The following LHFPL6 variants were observed in gnomAD, a reference collection of about 807,000 sequenced individuals.
LHFPL6 encodes the protein LHFPL tetraspan subfamily member 6.
LHFPL6 carries 9 observed loss-of-function variants against 20.6 expected under a neutral mutation model. The ratio of observed to expected loss-of-function variants is 0.44; its 90% CI spans 0.26 to 0.76. LHFPL6 has a LOEUF of 0.76. Among genes scored for constraint, LHFPL6 ranks in the 30% least tolerant of loss-of-function variants. The pLI, the probability that LHFPL6 is intolerant of heterozygous loss-of-function variation, is 0.20. For missense variants in LHFPL6, 218 were observed against 253.5 expected, an observed-to-expected ratio of 0.86 and a Z score of 0.95; for synonymous variants, 105 against 98.7, an observed-to-expected ratio of 1.06 and a Z score of -0.38.
chr13:39,423,645 A>G (rs2138398172), intron 2 of LHFPL6, among the ~76,000 whole-genome samples: 1 of 152,304 alleles, frequency 6.6e-6, no homozygotes, highest in Middle Eastern at 3.4e-3. Context: ...CATGAGAATC[A>G]TGTGAGGTGA....
intron 3 of LHFPL6, among the ~76,000 whole-genome samples, chr13:39,364,306 G>C (rs1424529723): frequency 6.6e-6 from 1 of 152,134 alleles, no homozygotes; most frequent in Non-Finnish European, 1.5e-5. Context: ...CTCTTATCTA[G>C]AGTCCTGTGG....
intron 2 of LHFPL6, among the ~76,000 whole-genome samples, chr13:39,424,449 G>A (rs1448633270): frequency 6.6e-6 from 1 of 152,148 alleles, no homozygotes; most frequent in Non-Finnish European, 1.5e-5. Flanking sequence ...CAGCAACTGC[G>A]CCAGGAGCTC....
intron 2 of LHFPL6, among the ~76,000 whole-genome samples, chr13:39,592,990 C>A (rs901867418): frequency 6.6e-6 from 1 of 152,144 alleles, no homozygotes; most frequent in African/African-American, 2.4e-5. Context: ...TAAGAGCTAT[C>A]TATGACAAAC....
chr13:39,380,882 C>T (rs968700985), intron 2 of LHFPL6, among the ~76,000 whole-genome samples: 1 of 151,996 alleles, frequency 6.6e-6, no homozygotes, highest in Non-Finnish European at 1.5e-5. Flanking sequence ...GAATCTAATG[C>T]CTGATGATCT....
At chr13:39,490,212 G>A (rs916139534) in intron 2 of LHFPL6, among the ~76,000 whole-genome samples, 3 of 152,100 alleles carry the variant, frequency 2.0e-5, no homozygotes, top group Non-Finnish European at 4.4e-5. Flanking sequence ...TCTAAAACAC[G>A]GAATTCCGAA....
At chr13:39,538,892 G>A (rs572832432) in intron 2 of LHFPL6, among the ~76,000 whole-genome samples, 2 of 152,078 alleles carry the variant, frequency 1.3e-5, no homozygotes, top group African/African-American at 2.4e-5. Flanking sequence ...ATCTACCATG[G>A]AGTTATTCAT....
At chr13:39,382,779 C>T (rs1427504389) in intron 2 of LHFPL6, among the ~76,000 whole-genome samples, 1 of 152,096 alleles carries the variant, frequency 6.6e-6, no homozygotes, top group Non-Finnish European at 1.5e-5. Flanking sequence ...TAAAAACATA[C>T]CATGAACATA....
intron 2 of LHFPL6, among the ~76,000 whole-genome samples, chr13:39,521,462 T>G (rs1482131694): frequency 6.6e-6 from 1 of 152,200 alleles, no homozygotes; most frequent in African/African-American, 2.4e-5. Flanking sequence ...AAGATTAGAA[T>G]TAGATTTCCT....
At chr13:39,554,042 C>G (rs141687084) in intron 2 of LHFPL6, among the ~76,000 whole-genome samples, 2 of 152,228 alleles carry the variant, frequency 1.3e-5, no homozygotes, top group Non-Finnish European at 2.9e-5. Context: ...AAAGGCTCAT[C>G]TACCTTTCAA....
intron 2 of LHFPL6, among the ~76,000 whole-genome samples, chr13:39,568,082 C>T (rs1175839796): frequency 6.6e-6 from 1 of 152,062 alleles, no homozygotes; most frequent in Non-Finnish European, 1.5e-5. Flanking sequence ...TTTTTTCTTG[C>T]CAATGTTAAA....
At chr13:39,558,290 T>C (rs895570573) in intron 2 of LHFPL6, among the ~76,000 whole-genome samples, 1 of 152,222 alleles carries the variant, frequency 6.6e-6, no homozygotes, top group African/African-American at 2.4e-5. Flanking sequence ...GAATAATTCC[T>C]GCCTCGCGGT....
chr13:39,592,787 C>T (rs1355380657), intron 2 of LHFPL6, among the ~76,000 whole-genome samples: 1 of 152,200 alleles, frequency 6.6e-6, no homozygotes, highest in African/African-American at 2.4e-5. Flanking sequence ...ATCAAGTGGG[C>T]TTCATCCCTG....
chr13:39,481,305 A>G (rs1036758884), intron 2 of LHFPL6, among the ~76,000 whole-genome samples: 1 of 152,232 alleles, frequency 6.6e-6, no homozygotes, highest in African/African-American at 2.4e-5. Flanking sequence ...CACTCAACCC[A>G]TACGAAGCAC....
At chr13:39,446,952 T>G (rs983768695) in intron 2 of LHFPL6, among the ~76,000 whole-genome samples, 4 of 152,196 alleles carry the variant, frequency 2.6e-5, no homozygotes, top group Admixed American at 6.5e-5. Flanking sequence ...ACAGGGAGAT[T>G]GAGCCCTCGA....
intron 2 of LHFPL6, among the ~76,000 whole-genome samples, chr13:39,417,366 G>A (rs530771076): frequency 2.0e-5 from 3 of 152,296 alleles, no homozygotes; most frequent in South Asian, 4.2e-4. Context: ...GGGCAGGGGC[G>A]GCCGGAGCAA....
chr13:39,557,572 G>A lies in LHFPL6; in HGVS notation c.385+43260C>T, dbSNP rs553046032. On this transcript the variant is annotated intron_variant, in intron 2 of 3. Transcript: ENST00000379589. ...CTCTAGTCCCACCTGCAGTAGATAC[G>A]GTGGCAGATCTACTACTAAAAAAGG... Among the ~76,000 whole-genome samples, 5 of 152,320 alleles carry A rather than the reference G, an allele frequency of 3.3e-5. No individual in the cohort carries two copies. In the South Asian group the frequency reaches 8.3e-4, roughly 25 times the overall value.
At chr13:39,562,003 T>C (rs1182726575) in intron 2 of LHFPL6, among the ~76,000 whole-genome samples, 2 of 152,200 alleles carry the variant, frequency 1.3e-5, no homozygotes, top group Non-Finnish European at 2.9e-5. Flanking sequence ...TCTTCTAATT[T>C]CAAGTTCTGT....
intron 2 of LHFPL6, among the ~76,000 whole-genome samples, chr13:39,572,510 C>A (rs1183597361): frequency 6.6e-6 from 1 of 152,136 alleles, no homozygotes; most frequent in African/African-American, 2.4e-5. Context: ...ACTCAAAAAC[C>A]TCTCTTTAAG....
intron 2 of LHFPL6, among the ~76,000 whole-genome samples, chr13:39,565,600 C>T (rs1422893880): frequency 6.6e-6 from 1 of 152,214 alleles, no homozygotes; most frequent in African/African-American, 2.4e-5. Flanking sequence ...ATCTGTTGTA[C>T]AGTCTGCATT....
Sources: gnomAD v4.1 joint callset for allele counts (sites outside exome capture counted in the v4.1 genomes callset) on GRCh38, gnomAD v4.1.1 for gene constraint, MANE v1.5 for transcripts, NCBI Gene and HGNC (gene_info 2026-07-23, HGNC 2026-07-21) for gene names.